LRMDA: variants seen among roughly 807,000 people sequenced by gnomAD.
LRMDA encodes the protein leucine-rich melanocyte differentiation-associated protein.
LRMDA carries 18 observed loss-of-function variants against 29.8 expected under a neutral mutation model. That is an observed-to-expected ratio of 0.60 (90% CI 0.42 to 0.90). The LOEUF is 0.90. Among genes scored for constraint, LRMDA ranks in the 40% least tolerant of loss-of-function variants. LRMDA has a pLI of 0.00. For synonymous variants in LRMDA, 125 were observed against 109.4 expected (o/e 1.14, Z -0.89); for missense variants, 273 against 273.9 (o/e 1.00, Z 0.02).
chr10:76,163,968 C>T (rs1336338256), intron 5 of LRMDA, among the ~76,000 whole-genome samples: 2 of 152,166 alleles, frequency 1.3e-5, no homozygotes, highest in South Asian at 4.1e-4. Context: ...AACCTTTAGA[C>T]AGGGTGACAA....
intron 6 of LRMDA, among the ~76,000 whole-genome samples, chr10:76,444,512 C>T (rs112957403): frequency 6.6e-6 from 1 of 152,344 alleles, no homozygotes; most frequent in African/African-American, 2.4e-5. Flanking sequence ...GCATCAGTAA[C>T]TTGTAGCTCA....
intron 2 of LRMDA, among the ~76,000 whole-genome samples, chr10:76,011,956 A>G (rs1261132910): frequency 1.3e-5 from 2 of 152,160 alleles, no homozygotes; most frequent in Non-Finnish European, 2.9e-5. Flanking sequence ...CTCCCTTCCC[A>G]AAGTCCAGGA....
chr10:76,329,811 A>G (rs1840882507), intron 6 of LRMDA, among the ~76,000 whole-genome samples: 1 of 152,236 alleles, frequency 6.6e-6, no homozygotes, highest in Non-Finnish European at 1.5e-5. Context: ...ATGCCATCCA[A>G]AAAAGAAGAA....
chr10:76,285,446 A>T (rs1215249471), intron 5 of LRMDA, among the ~76,000 whole-genome samples: 2 of 150,964 alleles, frequency 1.3e-5, no homozygotes, highest in East Asian at 3.9e-4. Flanking sequence ...AAAAAAAAAA[A>T]TAGATGTAAC....
At chr10:76,276,079 CTCTT>C (rs112719416) in intron 5 of LRMDA, among the ~76,000 whole-genome samples, 11 of 150,894 alleles carry the variant, frequency 7.3e-5, no homozygotes, top group Non-Finnish European at 1.0e-4. Flanking sequence ...TTCTTTCTCT[CTCTT>C]TCTTTCTTTC....
chr10:75,586,295 C>G (rs995103167), intron 2 of LRMDA, among the ~76,000 whole-genome samples: 1 of 149,284 alleles, frequency 6.7e-6, no homozygotes, highest in African/African-American at 2.4e-5. Flanking sequence ...TTTGCATGCC[C>G]ACTAACACTG....
At chr10:75,997,728 G>A (rs1470228356) in intron 2 of LRMDA, among the ~76,000 whole-genome samples, 2 of 152,204 alleles carry the variant, frequency 1.3e-5, no homozygotes, top group African/African-American at 2.4e-5. Context: ...CACCTGGGAG[G>A]TGAGGACAGC....
chr10:75,954,192 G>A (rs958399231), intron 2 of LRMDA, among the ~76,000 whole-genome samples: 2 of 152,272 alleles, frequency 1.3e-5, no homozygotes, highest in African/African-American at 4.8e-5. Flanking sequence ...TTCCCCCAGC[G>A]TATCTGGTTG....
chr10:76,417,776 A>C (rs4746391), intron 6 of LRMDA, among the ~76,000 whole-genome samples: 58,524 of 152,052 alleles, frequency 0.38, 12,863 homozygotes, highest in Middle Eastern at 0.6. Context: ...CTCAAAGGTC[A>C]TGACGGTATT....
intron 6 of LRMDA, among the ~76,000 whole-genome samples, chr10:76,347,498 A>G (rs1386887949): frequency 6.6e-6 from 1 of 152,202 alleles, no homozygotes; most frequent in Non-Finnish European, 1.5e-5. Flanking sequence ...GTGTGACTGC[A>G]TGAAATGGAA....
intron 2 of LRMDA, among the ~76,000 whole-genome samples, chr10:75,964,966 A>G (rs1249117990): frequency 6.6e-6 from 1 of 152,088 alleles, no homozygotes; most frequent in Non-Finnish European, 1.5e-5. Flanking sequence ...GGGTTTCGCC[A>G]TGTTGGCGAG....
intron 2 of LRMDA, among the ~76,000 whole-genome samples, chr10:75,810,965 C>T (rs912689842): frequency 2.6e-5 from 4 of 152,088 alleles, no homozygotes; most frequent in Non-Finnish European, 4.4e-5. Context: ...AATTAACTTG[C>T]CCAAGGTCAC....
intron 2 of LRMDA, among the ~76,000 whole-genome samples, chr10:75,625,579 T>C (rs1169530529): frequency 1.3e-5 from 2 of 152,188 alleles, no homozygotes; most frequent in Non-Finnish European, 2.9e-5. Flanking sequence ...TAGGTGAAAA[T>C]ATCTAGTTAT....
At chr10:75,479,368 G>A (rs552245408) in intron 2 of LRMDA, among the ~76,000 whole-genome samples, 5 of 152,048 alleles carry the variant, frequency 3.3e-5, no homozygotes, top group African/African-American at 4.8e-5. Context: ...TTAGCCGGGC[G>A]TGGTCACAGG....
intron 2 of LRMDA, among the ~76,000 whole-genome samples, chr10:75,526,456 C>T (rs953597177): frequency 1.9e-4 from 29 of 152,148 alleles, no homozygotes; most frequent in African/African-American, 6.7e-4. Context: ...TTTTGTTTCC[C>T]TGCAAACCCT....
intron 2 of LRMDA, among the ~76,000 whole-genome samples, chr10:75,484,814 A>C (rs1168753307): frequency 6.6e-6 from 1 of 152,184 alleles, no homozygotes; most frequent in Non-Finnish European, 1.5e-5. Context: ...CCTCACTGGA[A>C]GCCAACCCTG....
intron 5 of LRMDA, among the ~76,000 whole-genome samples, chr10:76,070,452 C>T (rs755075592): frequency 6.6e-6 from 1 of 152,184 alleles, no homozygotes; most frequent in Non-Finnish European, 1.5e-5. Flanking sequence ...ACTGCACTCT[C>T]CACTCATGGT....
At chr10:75,925,966 G>C (rs965899014) in intron 2 of LRMDA, among the ~76,000 whole-genome samples, 4 of 152,148 alleles carry the variant, frequency 2.6e-5, no homozygotes, top group African/African-American at 9.7e-5. Context: ...TCTAGGGATA[G>C]GTTCTATTAA....
intron 5 of LRMDA, among the ~76,000 whole-genome samples, chr10:76,126,417 C>T (rs1849884211): frequency 6.6e-6 from 1 of 152,088 alleles, no homozygotes. Context: ...TTGTTCAGTG[C>T]CCTGTGGTAT....
Sources: allele counts gnomAD v4.1 joint callset (sites outside exome capture counted in the v4.1 genomes callset), GRCh38; gene constraint gnomAD v4.1.1; transcripts MANE v1.5; gene names NCBI Gene and HGNC (gene_info 2026-07-23, HGNC 2026-07-21).